Variants in HTRA1 observed in about 807,000 individuals in gnomAD.
The protein encoded by HTRA1 is HtrA serine peptidase 1.
A neutral mutation model predicts 49.7 loss-of-function variants in HTRA1; 26 were observed. The observed-to-expected ratio is 0.52, with a 90% CI of 0.38 to 0.73. The LOEUF (loss-of-function observed/expected upper bound fraction) is 0.73, where lower values mean the gene tolerates loss of function less well. Ranked by LOEUF, HTRA1 falls within the 30% of genes least tolerant of loss-of-function variation. HTRA1 has a pLI of 0.00. For synonymous variants in HTRA1, 291 were observed against 286.9 expected (o/e 1.01, Z -0.14); for missense variants, 561 against 667.2 (o/e 0.84, Z 1.75).
At chr10:122,514,130 A>G in intron 8 of HTRA1, 61 bp from the exon 9 acceptor site, 1 of 1,519,016 alleles carries the variant, frequency 6.6e-7, no homozygotes. Flanking sequence ...GTCCATGTAA[A>G]GTCAGACCAG....
Position 122,472,044 on chromosome 10 carries a change from A to C in HTRA1, c.472+9920A>C, listed in dbSNP as rs80143083. Among the ~76,000 whole-genome samples, 133 of 152,304 alleles carry C rather than the reference A, an allele frequency of 8.7e-4. 2 individuals are homozygous for C. The East Asian group carries it at 0.025, about 28-fold the overall frequency. Reference sequence around the variant, plus strand: ...ATGCCTTTGAATGGTAATTATAATAATTTTGCTGAAGGGAAAATATCAGTA... The same window carrying C: ...ATGCCTTTGAATGGTAATTATAATACTTTTGCTGAAGGGAAAATATCAGTA... On this transcript the variant is annotated intron_variant, in intron 1 of 8. Coordinates refer to ENST00000368984, the MANE Select transcript of HTRA1 (RefSeq NM_002775.5).
chr10:122,502,292 C>T (rs949614613), intron 3 of HTRA1, among the ~76,000 whole-genome samples: 1 of 152,132 alleles, frequency 6.6e-6, no homozygotes, highest in Non-Finnish European at 1.5e-5. Context: ...TTTTGTGAAA[C>T]GATGCTGCTT....
At chr10:122,512,624 G>T (rs1476371560) in intron 8 of HTRA1, among the ~76,000 whole-genome samples, 1 of 152,220 alleles carries the variant, frequency 6.6e-6, no homozygotes, top group African/African-American at 2.4e-5. Flanking sequence ...TGCCTTGGGG[G>T]CTGGATCTGG....
chr10:122,514,067 G>A (rs1244504613), intron 8 of HTRA1, 124 bp from the exon 9 acceptor site: 12 of 962,460 alleles, frequency 1.2e-5, no homozygotes, highest in South Asian at 3.9e-5. Flanking sequence ...TTCTAAGTTC[G>A]CCACCGTCCA....
chr10:122,461,829 G>A lies in HTRA1; in HGVS notation c.177G>A (p.Arg59=). 9.0e-7 allele frequency: 1 copy of A among 1,117,244 alleles called. No homozygotes were observed. Among genetic ancestry groups the A allele is most frequent in the African/African-American group, 1.7e-5 (1 of 60,156 alleles). 69.2% of individuals were successfully genotyped at this position (1,117,244 alleles called of 1,614,324 possible). A position where few individuals can be genotyped will look rare whatever the true frequency, so the allele number is the denominator to read the frequency against. ...AGCACTGCGAGGGCGGCCGGGCCCG[G>A]GACGCGTGCGGCTGCTGCGAGGTGT... The part of the protein sequence containing the change: ...QPEHCEGGRA[R]DACGCCEVCG... The change falls in exon 1 of 9, where the codon CGG becomes CGA. Residue 59 remains arginine, a synonymous_variant. Transcript: ENST00000368984.
At chr10:122,493,532 G>T (rs1054123108) in intron 3 of HTRA1, among the ~76,000 whole-genome samples, 2 of 152,154 alleles carry the variant, frequency 1.3e-5, no homozygotes, top group African/African-American at 4.8e-5. Context: ...TTTGGGGCAG[G>T]GGTGGGGACA....
intron 1 of HTRA1, among the ~76,000 whole-genome samples, chr10:122,476,792 T>C (rs557735284): frequency 3.9e-5 from 6 of 152,094 alleles, no homozygotes; most frequent in African/African-American, 1.2e-4. Flanking sequence ...CCTGACTGCA[T>C]TCGCTCTCCC....
intron 1 of HTRA1, among the ~76,000 whole-genome samples, chr10:122,467,472 T>C (rs2097484231): frequency 6.6e-6 from 1 of 152,206 alleles, no homozygotes; most frequent in Admixed American, 6.5e-5. Context: ...TCATTCCTAA[T>C]TTAAAGCCTG....
chr10:122,510,148 G>A lies in HTRA1; in HGVS notation c.1173G>A (p.Thr391=), dbSNP rs761057470. 65 of 1,613,308 alleles carry A rather than the reference G, an allele frequency of 4.0e-5. No homozygotes were observed. The highest frequency in any genetic ancestry group is 1.6e-4 in the Middle Eastern group (1 of 6,084). ...KYIGIRMMSL[T]SSKAKELKDR... ...TTGGTATCCGAATGATGTCACTCAC[G>A]TCCAGGTGGGTAAACAGGATGCGTG... The change falls in exon 7 of 9, where the codon ACG becomes ACA. Residue 391 remains threonine, a synonymous_variant. Coordinates refer to ENST00000368984, the MANE Select transcript of HTRA1 (RefSeq NM_002775.5).
At chr10:122,496,404 G>C (rs2097498792) in intron 3 of HTRA1, among the ~76,000 whole-genome samples, 3 of 151,652 alleles carry the variant, frequency 2.0e-5, no homozygotes, top group Admixed American at 2.0e-4. Flanking sequence ...TGGATCTTTC[G>C]AGGTCTAGTT....
At chr10:122,501,178 G>A (rs1471514272) in intron 3 of HTRA1, among the ~76,000 whole-genome samples, 1 of 152,180 alleles carries the variant, frequency 6.6e-6, no homozygotes, top group African/African-American at 2.4e-5. Context: ...GGTGGGTCGT[G>A]AAGGCTGCAT....
chr10:122,507,266 G>GC (rs2097503459), intron 4 of HTRA1, 104 bp from the exon 5 acceptor site: 1 of 888,382 alleles, frequency 1.1e-6, no homozygotes, highest in Non-Finnish European at 1.9e-6. Context: ...GAAGAATCGT[G>GC]CCCCCCACTC....
At chr10:122,488,788 G>A (rs1437666326) in intron 1 of HTRA1, 114 bp from the exon 2 acceptor site, 4 of 882,438 alleles carry the variant, frequency 4.5e-6, no homozygotes, top group African/African-American at 3.3e-5. Flanking sequence ...CGCTCACTCC[G>A]CCTTCAGAAT....
intron 3 of HTRA1, 93 bp downstream of exon 3, chr10:122,489,719 C>G (rs2239586): frequency 1.7e-6 from 2 of 1,199,534 alleles, no homozygotes; most frequent in East Asian, 2.5e-5. Flanking sequence ...AGCTGATTCT[C>G]GGGGGGCACT....
At chr10:122,483,910 C>CT (rs2097492055) in intron 1 of HTRA1, among the ~76,000 whole-genome samples, 1 of 152,208 alleles carries the variant, frequency 6.6e-6, no homozygotes, top group East Asian at 1.9e-4. Flanking sequence ...TTATTGACCT[C>CT]TTATCCTGTG....
chr10:122,490,059 C>G lies in HTRA1; in HGVS notation c.777+433C>G, dbSNP rs1398801544. Among the ~76,000 whole-genome samples the G allele has an allele frequency of 6.6e-6, 1 of 152,164 alleles. No individual in the cohort carries two copies. On this transcript the variant is annotated intron_variant, in intron 3 of 8. Coordinates refer to ENST00000368984, the MANE Select transcript of HTRA1 (RefSeq NM_002775.5). This position sits in a 1 kb window ranked among gnomAD's most constrained non-coding sequence, Gnocchi z 4.2. The stretch of plus-strand genomic sequence containing the variant: ...GCCATCCTTAACTTGTCAACAGTTA[C>G]TTTGAAAACAAACCAGCTCTCCCAA...
At chr10:122,467,163 T>C (rs1045493565) in intron 1 of HTRA1, among the ~76,000 whole-genome samples, 1 of 152,216 alleles carries the variant, frequency 6.6e-6, no homozygotes, top group African/African-American at 2.4e-5. Context: ...GATTCAGAAA[T>C]CAGACTTTCC....
rs1245706934 is a variant in HTRA1, at chr10:122,462,187, C to T, written c.472+63C>T. The T allele has an allele frequency of 3.7e-6, 5 of 1,357,964 alleles. No homozygotes were observed. In the African/African-American group the frequency reaches 4.4e-5, roughly 12 times the overall value. 84.1% of individuals were successfully genotyped at this position (1,357,964 alleles called of 1,614,324 possible). A position where few individuals can be genotyped will look rare whatever the true frequency, so the allele number is the denominator to read the frequency against. On this transcript the variant is annotated intron_variant, in intron 1 of 8. Coordinates refer to ENST00000368984, the MANE Select transcript of HTRA1 (RefSeq NM_002775.5). ...CCATCCCAGCTCGGACCTGCTTCTG[C>T]GGGACTGGTGGGCAGGTTGAGGGGC...
At chr10:122,511,777 C>A (rs2097505755) in intron 7 of HTRA1, among the ~76,000 whole-genome samples, 193 bp from the exon 8 acceptor site, 1 of 151,660 alleles carries the variant, frequency 6.6e-6, no homozygotes, top group African/African-American at 2.4e-5. Flanking sequence ...TAATAAAGCA[C>A]TTTCCTTGCT....
Sources: gnomAD v4.1 joint callset for allele counts (sites outside exome capture counted in the v4.1 genomes callset) on GRCh38, gnomAD v4.1.1 for gene constraint, Gnocchi (gnomAD v3.1) non-coding constraint, MANE v1.5 for transcripts, NCBI Gene and HGNC (gene_info 2026-07-23, HGNC 2026-07-21) for gene names.